The following NACA variants were observed in gnomAD, a reference collection of about 807,000 sequenced individuals.
NACA encodes nascent polypeptide-associated complex subunit alpha.
Under a neutral mutation model 86.4 loss-of-function variants are expected in NACA, and 42 were observed. The ratio of observed to expected loss-of-function variants is 0.49; its 90% CI spans 0.38 to 0.63. NACA has a LOEUF of 0.63. Ranked by LOEUF, NACA falls within the 20% of genes least tolerant of loss-of-function variation. The pLI, the probability that NACA is intolerant of heterozygous loss-of-function variation, is 0.00. For missense variants in NACA, 2,157 were observed against 2,483.6 expected (o/e 0.87, Z 2.80); for synonymous variants, 898 against 973.7 (o/e 0.92, Z 1.45).
chr12:56,721,529 A>T, intron 2 of NACA, 70 bp from the exon 3 acceptor site: 1 of 989,164 alleles, frequency 1.0e-6, no homozygotes, highest in Non-Finnish European at 1.4e-6. Flanking sequence ...ATGCAGCCCA[A>T]CTTGGTACAA....
Position 56,714,276 on chromosome 12 carries a change from C to T in NACA, c.5823+86G>A. 6 of 1,417,534 alleles carry T rather than the reference C, an allele frequency of 4.2e-6. No homozygotes were observed. In the South Asian group the frequency reaches 7.3e-5, roughly 17 times the overall value. The allele number at this position is 1,417,534 out of a possible 1,614,324, so 87.8% of individuals were successfully genotyped here. ...CTTACTTGTATAACCAAAATACCAC[C>T]TGTTCCCCAAAAACCTATGGAAATA... is the stretch of plus-strand genomic sequence containing the variant. On this transcript the variant is annotated intron_variant, in intron 5 of 8. Transcript: ENST00000454682.
At position 56,720,294 on chromosome 12, in the gene NACA, A is replaced by G. The variant is rs759676435; in HGVS notation, c.1236T>C (p.Ser412=). 3 of 1,613,814 alleles carry G rather than the reference A, an allele frequency of 1.9e-6. No individual in the cohort carries two copies. In the South Asian group the frequency reaches 3.3e-5, roughly 18 times the overall value. The change falls in exon 3 of 9, where the codon TCT becomes TCC. Residue 412 remains serine, a synonymous_variant. Coordinates refer to ENST00000454682, the MANE Select transcript of NACA (RefSeq NM_001365896.1). ...ATSFSLSPTT[S]LILKSSPNAT... ...CATTAGGAGAGCTTTTGAGAATGAG[A>G]GAGGTTGTAGGAGATAATGAAAAAG...
chr12:56,721,021 CCT>C lies in NACA; in HGVS notation c.507_508del (p.Gly170ValfsTer17), dbSNP rs1251136883. 1 of 1,613,718 alleles carries C rather than the reference CCT, an allele frequency of 6.2e-7. No homozygotes were observed. Among genetic ancestry groups the C allele is most frequent in the Non-Finnish European group, 8.5e-7 (1 of 1,179,872 alleles). On this transcript the variant is annotated frameshift_variant, in exon 3 of 9. Transcript: ENST00000454682. LOFTEE classifies it high-confidence loss of function. The stretch of plus-strand genomic sequence containing the variant: ...GGGAGCTGACAGAGTTATCACTGAC[CCT>C]GACTCAGCTACAGCCACTGAAGGAG...
At position 56,716,200 on chromosome 12, in the gene NACA, G is replaced by C; in HGVS notation, c.5330C>G (p.Ala1777Gly). Residue 1777 changes from alanine (A) to glycine (G), a missense_variant, in exon 3 of 9, where the codon GCC becomes GGC. Around this residue, in one of 8 missense-constraint regions of NACA, gnomAD observed 797 missense variants for 777.6 expected, o/e 1.02. Coordinates refer to ENST00000454682, the MANE Select transcript of NACA (RefSeq NM_001365896.1). The part of the protein sequence containing the change: ...SKASTPLTAA[A>G]FEKVLPKPES... ...AGGTTTAGGAAGGACCTTCTCAAAG[G>C]CAGCTGCTGTTAGAGGGGTGGACGC... 2 of 1,613,750 alleles carry C rather than the reference G, an allele frequency of 1.2e-6. No individual in the cohort carries two copies. Among genetic ancestry groups the C allele is most frequent in the South Asian group, 2.2e-5 (2 of 91,086 alleles).
chr12:56,719,853 T>C lies in NACA; in HGVS notation c.1677A>G (p.Val559=), dbSNP rs759220382. The change falls in exon 3 of 9, where the codon GTA becomes GTG. Residue 559 remains valine, a synonymous_variant. Coordinates refer to ENST00000454682, the MANE Select transcript of NACA (RefSeq NM_001365896.1). ...AGLTTKKDPT[V]LPLVQAAPKN... ...TAGGGGCTGCCTGGACTAACGGTAA[T>C]ACAGTAGGGTCTTTCTTGGTGGTGA... 189 of 1,613,632 alleles carry C rather than the reference T, an allele frequency of 1.2e-4. 1 individual carries two copies. Among genetic ancestry groups the C allele is most frequent in the Non-Finnish European group, 1.6e-4 (185 of 1,179,818 alleles).
rs780134858 is a variant in NACA, at chr12:56,724,592, A to C, written c.-2-69T>G. ...CATTCACTTGCCCAACCCGGAGATA[A>C]GTATTCTTAAAAACTCCGAGGAGGG... On this transcript the variant is annotated intron_variant, in intron 1 of 8. Transcript: ENST00000454682. 476 of 1,510,090 alleles carry C rather than the reference A, an allele frequency of 3.2e-4. 1 individual carries two copies. The highest frequency in any genetic ancestry group is 4.0e-4 in the Non-Finnish European group (449 of 1,112,674). The allele number at this position is 1,510,090 out of a possible 1,614,324, so 93.5% of individuals were successfully genotyped here.
chr12:56,717,325 G>A lies in NACA; in HGVS notation c.4205C>T (p.Pro1402Leu). 7.3e-7 allele frequency: 1 copy of A among 1,361,750 alleles called. No individual in the cohort carries two copies. The highest frequency in any genetic ancestry group is 9.7e-7 in the Non-Finnish European group (1 of 1,034,262). 84.4% of individuals were successfully genotyped at this position (1,361,750 alleles called of 1,614,324 possible). ...GAGAGGAATCACTGCTGGGGAAGTG[G>A]GGTCCCCTTTGGGAGATGGGATAGC... ...GPAIPSPKGD[P>L]TSPAVIPLSP... The change falls in exon 3 of 9, where the codon CCC (proline) becomes CTC (leucine). Residue 1402 changes from proline to leucine, a missense_variant. Transcript: ENST00000454682.
At position 56,717,478 on chromosome 12, in the gene NACA, G is replaced by A; in HGVS notation, c.4052C>T (p.Ala1351Val). The A allele has an allele frequency of 7.3e-7, 1 of 1,373,374 alleles. No homozygotes were observed. Among genetic ancestry groups the A allele is most frequent in the Non-Finnish European group, 9.6e-7 (1 of 1,037,218 alleles). The allele number at this position is 1,373,374 out of a possible 1,614,324, so 85.1% of individuals were successfully genotyped here. Residue 1351 changes from alanine (A) to valine (V), a missense_variant, in exon 3 of 9, where the codon GCT (alanine) becomes GTT (valine). Ala to Val is a moderately conservative substitution (Grantham distance 64). Transcript: ENST00000454682. ...PSPKGTPTLP[A>V]TTPSSKGGPT... ...GCCTCCTTTAGAGGAGGGAGTTGTA[G>A]CTGGGAGAGTAGGGGTCCCTTTAGG... is the stretch of plus-strand genomic sequence containing the variant.
rs746403095 is a variant in NACA, at chr12:56,719,163, G to A, written c.2367C>T (p.Tyr789=). The change falls in exon 3 of 9, where the codon TAC becomes TAT. Residue 789 remains tyrosine, a synonymous_variant. Transcript: ENST00000454682. ...CTAAAGGAGATGGGGAATCAGCTAG[G>A]TAAGTCAGAGTTCCTTTGGAAGATG... ...ATASSKGTLT[Y]LADSPSPLGV... is the part of the protein sequence containing the mutation. The A allele has an allele frequency of 3.4e-6, 5 of 1,465,968 alleles. No homozygotes were observed. The highest frequency in any genetic ancestry group is 4.6e-6 in the Non-Finnish European group (5 of 1,084,386). The allele number at this position is 1,465,968 out of a possible 1,614,324, so 90.8% of individuals were successfully genotyped here. A position where few individuals can be genotyped will look rare whatever the true frequency, so the allele number is the denominator to read the frequency against.
At chr12:56,715,832 G>A (rs772724435) in intron 3 of NACA, 39 bp downstream of exon 3, 6 of 1,484,340 alleles carry the variant, frequency 4.0e-6, no homozygotes, top group African/African-American at 1.4e-5. Context: ...GGGTGTGGAC[G>A]ACAGACACAC....
Position 56,721,235 on chromosome 12 carries a change from C to A in NACA, c.295G>T (p.Ala99Ser), listed in dbSNP as rs190712969. The change falls in exon 3 of 9, where the codon GCC becomes TCC. Residue 99 changes from alanine to serine, a missense_variant. Transcript: ENST00000454682. ...ATTAGGTTTGGTAGGAAGGTTGGGGCTTCAGGGGCAGTTCCCAAAGGTAGG... is the reference window on the plus strand; with the variant it reads ...ATTAGGTTTGGTAGGAAGGTTGGGGATTCAGGGGCAGTTCCCAAAGGTAGG... ...TALPLGTAPE[A>S]PTFLPNLIGP... 1.2e-6 allele frequency: 2 copies of A among 1,613,540 alleles called. No individual in the cohort carries two copies. Among genetic ancestry groups the A allele is most frequent in the South Asian group, 2.2e-5 (2 of 91,054 alleles).
At position 56,721,188 on chromosome 12, in the gene NACA, A is replaced by G. The variant is rs1360030406; in HGVS notation, c.342T>C (p.Ala114=). 2 of 1,613,958 alleles carry G rather than the reference A, an allele frequency of 1.2e-6. No homozygotes were observed. Among genetic ancestry groups the G allele is most frequent in the Non-Finnish European group, 1.7e-6 (2 of 1,179,866 alleles). ...TCATGGGAGAGGCTAGAGCTAAGGC[A>G]GCTGGGGAGATGGGAGGCCCTATTA... ...PNLIGPPISP[A]ALALASPMIA... is the part of the protein sequence containing the mutation. The change falls in exon 3 of 9, where the codon GCT becomes GCC. Residue 114 remains alanine (A), a synonymous_variant. Transcript: ENST00000454682.
chr12:56,722,765 T>C (rs1371306087), intron 2 of NACA, among the ~76,000 whole-genome samples: 1 of 152,034 alleles, frequency 6.6e-6, no homozygotes, highest in Non-Finnish European at 1.5e-5. Context: ...ACTTGGAATT[T>C]AAGTGTTTCA....
chr12:56,716,827 T>C lies in NACA; in HGVS notation c.4703A>G (p.Lys1568Arg). ...PKKTPAIPTP[K>R]EAPATPSSKE... The stretch of plus-strand genomic sequence containing the variant: ...GGAGGATGGGGTAGCTGGGGCTTCT[T>C]TGGGGGTTGGAATTGCTGGGGTCTT... Residue 1568 changes from lysine (K) to arginine (R), a missense_variant, in exon 3 of 9, where the codon AAA (lysine) becomes AGA (arginine). By Grantham distance (26) the Lys-to-Arg change is conservative. Coordinates refer to ENST00000454682, the MANE Select transcript of NACA (RefSeq NM_001365896.1). 3 of 1,293,638 alleles carry C rather than the reference T, an allele frequency of 2.3e-6. No individual in the cohort carries two copies. The highest frequency in any genetic ancestry group is 3.0e-6 in the Non-Finnish European group (3 of 1,001,294). The allele number at this position is 1,293,638 out of a possible 1,614,324, so 80.1% of individuals were successfully genotyped here. A position where few individuals can be genotyped will look rare whatever the true frequency, so the allele number is the denominator to read the frequency against.
rs370422156 is a variant in NACA at position 56,719,435 on chromosome 12, G to A, written c.2095C>T (p.Pro699Ser). The part of the protein sequence containing the change: ...PVKEGTLTTL[P>S]LVPTASENCP... ...TTTTCTGAAGCTGTAGGAACCAAGG[G>A]TAAAGTAGTAAGAGTACCTTCCTTA... is the stretch of plus-strand genomic sequence containing the variant. The change falls in exon 3 of 9, where the codon CCC (proline) becomes TCC (serine). Residue 699 changes from proline to serine, a missense_variant. Physicochemically the swap from Pro to Ser is moderately conservative, Grantham distance 74. Coordinates refer to ENST00000454682, the MANE Select transcript of NACA (RefSeq NM_001365896.1). 23 of 1,612,996 alleles carry A rather than the reference G, an allele frequency of 1.4e-5. No homozygotes were observed. The highest frequency in any genetic ancestry group is 1.9e-5 in the Non-Finnish European group (22 of 1,179,650).
rs775973308 is a variant in NACA, at chr12:56,716,386, G to A, written c.5144C>T (p.Pro1715Leu). 2.5e-6 allele frequency: 4 copies of A among 1,609,530 alleles called. No individual in the cohort carries two copies. Among genetic ancestry groups the A allele is most frequent in the Non-Finnish European group, 3.4e-6 (4 of 1,177,612 alleles). Residue 1715 changes from proline to leucine, a missense_variant, in exon 3 of 9, where the codon CCT (proline) becomes CTT (leucine). Physicochemically the swap from Pro to Leu is moderately conservative, Grantham distance 98 (BLOSUM62 -3). This residue lies in a region of NACA where 797 missense variants were observed against 777.6 expected (regional missense o/e 1.02). Transcript: ENST00000454682. The stretch of plus-strand genomic sequence containing the variant: ...CTTAGCTGAGGGATCTGGGCATATA[G>A]GAGGTGAAGTAGCAGAACTCTTTTT... ...QTKKSSATSPPICPDPSAKNG... is the reference protein window; with the variant it reads ...QTKKSSATSPLICPDPSAKNG...
intron 3 of NACA, among the ~76,000 whole-genome samples, chr12:56,714,987 C>A (rs571781234): frequency 5.3e-4 from 80 of 152,272 alleles, no homozygotes; most frequent in Admixed American, 1.5e-3. Flanking sequence ...TTTCTTGGCA[C>A]AGGCAAATAA....
intron 1 of NACA, chr12:56,724,802 A>C (rs1592325732): frequency 2.3e-6 from 1 of 429,976 alleles, no homozygotes; most frequent in Non-Finnish European, 4.2e-6. Context: ...GCTACTGTGA[A>C]CCCCCTCCAC....
intron 2 of NACA, among the ~76,000 whole-genome samples, chr12:56,722,546 G>C (rs896791524): frequency 6.6e-6 from 1 of 152,108 alleles, no homozygotes; most frequent in African/African-American, 2.4e-5. Context: ...AAATTAGCTG[G>C]GCGTGGTGGT....
Sources: allele counts gnomAD v4.1 joint callset (sites outside exome capture counted in the v4.1 genomes callset), GRCh38; gene constraint gnomAD v4.1.1; regional missense constraint gnomAD v4.1.1; transcripts MANE v1.5; gene names NCBI Gene and HGNC (gene_info 2026-07-23, HGNC 2026-07-21).